The following IMMP2L variants were observed in gnomAD, a reference collection of about 807,000 sequenced individuals.
The protein encoded by IMMP2L is mitochondrial inner membrane protease subunit 2.
In IMMP2L, 18 loss-of-function variants were observed where a neutral mutation model predicts 19.3. The observed-to-expected ratio is 0.93, with a 90% CI of 0.64 to 1.38. The LOEUF (loss-of-function observed/expected upper bound fraction) is 1.38. IMMP2L is among the 40% of genes most tolerant of loss of function. The pLI, the probability that IMMP2L is intolerant of heterozygous loss-of-function variation, is 0.00. For missense variants in IMMP2L, 233 were observed against 218.2 expected (o/e 1.07, Z -0.43); for synonymous variants, 76 against 73.0 (o/e 1.04, Z -0.21).
At chr7:110,842,434 C>T (rs1805183980) in intron 5 of IMMP2L, among the ~76,000 whole-genome samples, 4 of 152,102 alleles carry the variant, frequency 2.6e-5, no homozygotes, top group Admixed American at 2.0e-4. Context: ...GCAGATTGCA[C>T]CGTGGAAGTG....
intron 3 of IMMP2L, among the ~76,000 whole-genome samples, chr7:111,106,620 G>T (rs1798577906): frequency 1.3e-5 from 2 of 150,164 alleles, no homozygotes; most frequent in African/African-American, 4.9e-5. Flanking sequence ...GTGAAGTATG[G>T]CTGCTAAGAG....
At chr7:110,789,574 A>C (rs1918753) in intron 5 of IMMP2L, among the ~76,000 whole-genome samples, 48,715 of 151,524 alleles carry the variant, frequency 0.32, 9,706 homozygotes, top group East Asian at 0.69. Context: ...TAGAAAGAGT[A>C]CTTCTCTAAA....
At chr7:111,067,941 G>GTATGAAAGATATAA (rs1190189968) in intron 3 of IMMP2L, among the ~76,000 whole-genome samples, 3 of 152,172 alleles carry the variant, frequency 2.0e-5, no homozygotes, top group Non-Finnish European at 4.4e-5. Flanking sequence ...GTGGGGAGAA[G>GTATGAAAGATATAA]TATGAAAGAT....
chr7:111,205,683 T>TA (rs906153242), intron 3 of IMMP2L, among the ~76,000 whole-genome samples: 7 of 151,898 alleles, frequency 4.6e-5, no homozygotes, highest in African/African-American at 4.8e-5. Context: ...TTTACACACT[T>TA]AAAAAAAAGA....
intron 3 of IMMP2L, among the ~76,000 whole-genome samples, chr7:111,000,480 G>A (rs982494484): frequency 6.6e-5 from 10 of 152,112 alleles, no homozygotes; most frequent in African/African-American, 1.7e-4. Flanking sequence ...GTGATGGGGG[G>A]ACTTCATTTT....
chr7:110,997,843 T>C (rs1173423901), intron 3 of IMMP2L, among the ~76,000 whole-genome samples: 1 of 152,082 alleles, frequency 6.6e-6, no homozygotes, highest in African/African-American at 2.4e-5. Context: ...ATGATCAGTA[T>C]GAAGAATTCA....
intron 3 of IMMP2L, among the ~76,000 whole-genome samples, chr7:111,484,479 C>T (rs1016657904): frequency 3.9e-5 from 6 of 152,096 alleles, no homozygotes; most frequent in Non-Finnish European, 7.4e-5. Context: ...CTGTTAATAT[C>T]AATTTCTAAA....
intron 3 of IMMP2L, among the ~76,000 whole-genome samples, chr7:111,116,754 T>C (rs886107301): frequency 2.0e-5 from 3 of 152,148 alleles, no homozygotes; most frequent in Non-Finnish European, 4.4e-5. Context: ...TGAAACTTTA[T>C]TATCAAAGGA....
chr7:110,821,481 G>T (rs1191276652), intron 5 of IMMP2L, among the ~76,000 whole-genome samples: 1 of 152,086 alleles, frequency 6.6e-6, no homozygotes, highest in Non-Finnish European at 1.5e-5. Context: ...TAAAAAAAAT[G>T]TGATCCTTAA....
intron 3 of IMMP2L, among the ~76,000 whole-genome samples, chr7:111,322,476 G>T (rs1295673636): frequency 6.6e-6 from 1 of 151,702 alleles, no homozygotes; most frequent in Non-Finnish European, 1.5e-5. Flanking sequence ...AAATGTTGAA[G>T]TAGAAGGAAC....
intron 3 of IMMP2L, among the ~76,000 whole-genome samples, chr7:111,067,912 G>A (rs898946704): frequency 1.3e-5 from 2 of 152,038 alleles, no homozygotes; most frequent in South Asian, 2.1e-4. Context: ...TAAGAGAATC[G>A]CAGCAAGAGA....
intron 3 of IMMP2L, among the ~76,000 whole-genome samples, chr7:111,295,985 T>TAAAAAAAAAA (rs3052106): frequency 7.3e-6 from 1 of 136,318 alleles, no homozygotes; most frequent in African/African-American, 2.6e-5. Flanking sequence ...GAAAGAATGT[T>TAAAAAAAAAA]AAAAAAAAAA....
At chr7:111,157,233 C>T (rs370989728) in intron 3 of IMMP2L, among the ~76,000 whole-genome samples, 2 of 152,124 alleles carry the variant, frequency 1.3e-5, no homozygotes, top group African/African-American at 4.8e-5. Flanking sequence ...GGGTATATAG[C>T]CACAGGAAGG....
At chr7:111,082,855 CAAAAAA>C (rs59384730) in intron 3 of IMMP2L, among the ~76,000 whole-genome samples, 1 of 71,178 alleles carries the variant, frequency 1.4e-5, no homozygotes, top group Admixed American at 1.6e-4. Flanking sequence ...GCGATTTTGC[CAAAAAA>C]AAAAAAAAAA....
chr7:111,354,131 G>GA (rs775605167), intron 3 of IMMP2L, among the ~76,000 whole-genome samples: 4 of 151,726 alleles, frequency 2.6e-5, no homozygotes, highest in Non-Finnish European at 5.9e-5. Flanking sequence ...AAGACATCAG[G>GA]AAAAAACTAC....
intron 3 of IMMP2L, among the ~76,000 whole-genome samples, chr7:111,132,787 T>C (rs1801971511): frequency 6.6e-6 from 1 of 152,010 alleles, no homozygotes; most frequent in South Asian, 2.1e-4. Flanking sequence ...TTAAAATCTA[T>C]AGCTACCCAT....
At chr7:111,295,234 T>G (rs541506318) in intron 3 of IMMP2L, among the ~76,000 whole-genome samples, 64 of 152,076 alleles carry the variant, frequency 4.2e-4, no homozygotes, top group African/African-American at 1.4e-3. Flanking sequence ...TAGAAAACTG[T>G]CTTCACACAA....
chr7:110,999,617 A>C (rs2129561032), intron 3 of IMMP2L, among the ~76,000 whole-genome samples: 1 of 152,028 alleles, frequency 6.6e-6, no homozygotes. Flanking sequence ...TAAAAAAAAA[A>C]AAAAAACCAA....
At chr7:111,519,640 G>C (rs957339176) in intron 2 of IMMP2L, among the ~76,000 whole-genome samples, 1 of 152,018 alleles carries the variant, frequency 6.6e-6, no homozygotes, top group Non-Finnish European at 1.5e-5. Flanking sequence ...AAGGTCTTGT[G>C]AGCAAGACCT....
Sources: allele counts gnomAD v4.1 joint callset (sites outside exome capture counted in the v4.1 genomes callset), GRCh38; gene constraint gnomAD v4.1.1; transcripts MANE v1.5; gene names NCBI Gene and HGNC (gene_info 2026-07-23, HGNC 2026-07-21).